SLC17A1: variants seen among roughly 807,000 people sequenced by gnomAD.
SLC17A1 encodes solute carrier family 17 member 1.
SLC17A1 carries 51 observed loss-of-function variants against 53.5 expected under a neutral mutation model. The ratio of observed to expected loss-of-function variants is 0.95; its 90% CI spans 0.76 to 1.20. The LOEUF (loss-of-function observed/expected upper bound fraction) is 1.20, where lower values mean the gene tolerates loss of function less well. Among genes scored for constraint, SLC17A1 ranks in the 50% most tolerant of loss-of-function variants. The pLI, the probability that SLC17A1 is intolerant of heterozygous loss-of-function variation, is 0.00. For synonymous variants in SLC17A1, 179 were observed against 198.8 expected (o/e 0.90, Z 0.84); for missense variants, 538 against 568.2 (o/e 0.95, Z 0.54).
intron 3 of SLC17A1, among the ~76,000 whole-genome samples, chr6:25,820,821 C>T (rs1262089563): frequency 6.7e-6 from 1 of 150,354 alleles, no homozygotes; most frequent in Non-Finnish European, 1.5e-5. Flanking sequence ...ATGGCGTGAA[C>T]CTGGGAGGTG....
chr6:25,770,636 A>T, the SLC17A1 span, among the ~76,000 whole-genome samples: 1 of 152,194 alleles, frequency 6.6e-6, no homozygotes, highest in Admixed American at 6.5e-5. Flanking sequence ...AATAAACTGA[A>T]TGCTTACTAT....
At chr6:25,800,591 G>C in intron 11 of SLC17A1, among the ~76,000 whole-genome samples, 1 of 151,996 alleles carries the variant, frequency 6.6e-6, no homozygotes, top group Non-Finnish European at 1.5e-5. Flanking sequence ...CACTCAGCCA[G>C]TCAAATACCT....
chr6:25,731,791 A>G, the SLC17A1 span: 3 of 1,591,944 alleles, frequency 1.9e-6, no homozygotes, highest in Non-Finnish European at 2.6e-6. Context: ...TTTTACTTGG[A>G]GCTAGTGTAC....
chr6:25,727,357 A>G, the SLC17A1 span: 1 of 1,417,472 alleles, frequency 7.1e-7, no homozygotes, highest in Non-Finnish European at 9.5e-7. Context: ...ACATACTGAA[A>G]CAGCTGTGGG....
At chr6:25,742,464 G>A in the SLC17A1 span, among the ~76,000 whole-genome samples, 1 of 147,550 alleles carries the variant, frequency 6.8e-6, no homozygotes, top group South Asian at 2.1e-4. Context: ...AGACTAGCCT[G>A]GGCAACATAT....
chr6:25,750,096 T>C, the SLC17A1 span, among the ~76,000 whole-genome samples: 1 of 152,192 alleles, frequency 6.6e-6, no homozygotes, highest in Non-Finnish European at 1.5e-5. Flanking sequence ...GGTGTTGCCA[T>C]AGATTAAAAA....
intron 12 of SLC17A1, among the ~76,000 whole-genome samples, chr6:25,783,539 C>G (rs892708445): frequency 6.6e-6 from 1 of 152,060 alleles, no homozygotes; most frequent in Non-Finnish European, 1.5e-5. Flanking sequence ...TGAAACCATC[C>G]ATCAGTTGCT....
chr6:25,823,546 G>A (rs12211184), intron 3 of SLC17A1, among the ~76,000 whole-genome samples: 25,388 of 151,956 alleles, frequency 0.17, 2,748 homozygotes, highest in Non-Finnish European at 0.21. Context: ...TGTAGTTGAT[G>A]TTTGTCTCCA....
intron 6 of SLC17A1, among the ~76,000 whole-genome samples, chr6:25,815,138 G>C (rs1232401450): frequency 7.0e-6 from 1 of 143,838 alleles, no homozygotes; most frequent in African/African-American, 2.6e-5. Flanking sequence ...ATACTGGAAG[G>C]AAGAAAGAAA....
At chr6:25,781,031 C>A (rs77341667), downstream of SLC17A1, 1 of 151,972 alleles carries the variant, frequency 6.6e-6, no homozygotes, top group Non-Finnish European at 1.5e-5. Flanking sequence ...CATTTACAAA[C>A]GTATAAATCA....
the SLC17A1 span, among the ~76,000 whole-genome samples, chr6:25,753,792 T>C: frequency 6.6e-6 from 1 of 151,734 alleles, no homozygotes; most frequent in African/African-American, 2.4e-5. Context: ...CAAGGAGAGA[T>C]GGATGAAGTT....
At chr6:25,764,571 G>A in the SLC17A1 span, among the ~76,000 whole-genome samples, 5 of 152,220 alleles carry the variant, frequency 3.3e-5, no homozygotes, top group African/African-American at 2.4e-5. Context: ...TGAGAGAGGA[G>A]CCAAGAGCTC....
At chr6:25,801,703 TG>T (rs1763766800) in intron 10 of SLC17A1, among the ~76,000 whole-genome samples, 1 of 152,202 alleles carries the variant, frequency 6.6e-6, no homozygotes. Context: ...CAGAGTTTCT[TG>T]TTTCTTTTTT....
intron 1 of SLC17A1, among the ~76,000 whole-genome samples, chr6:25,830,846 CAATCCAG>C (rs2151512335): frequency 6.6e-6 from 1 of 152,266 alleles, no homozygotes; most frequent in South Asian, 2.1e-4. Flanking sequence ...ATAACCCTGC[CAATCCAG>C]AATTCTAAAT....
the SLC17A1 span, among the ~76,000 whole-genome samples, chr6:25,767,353 G>A: frequency 5.3e-5 from 8 of 151,930 alleles, no homozygotes; most frequent in Admixed American, 3.3e-4. Context: ...CCAATAATAC[G>A]AAGGTGGTAG....
chr6:25,736,203 C>G, the SLC17A1 span, among the ~76,000 whole-genome samples: 1 of 152,080 alleles, frequency 6.6e-6, no homozygotes, highest in Non-Finnish European at 1.5e-5. Context: ...TTCTAGTCTA[C>G]GGTTACCCTA....
the SLC17A1 span, among the ~76,000 whole-genome samples, chr6:25,734,775 G>T: frequency 1.3e-5 from 2 of 152,204 alleles, no homozygotes; most frequent in Non-Finnish European, 2.9e-5. Flanking sequence ...GATAATCTTT[G>T]TTTCTTAGTG....
intron 12 of SLC17A1, among the ~76,000 whole-genome samples, chr6:25,785,173 A>G (rs758873015): frequency 1.4e-4 from 21 of 152,182 alleles, no homozygotes; most frequent in Non-Finnish European, 2.4e-4. Context: ...AAATAATAAA[A>G]TACTTATAAA....
chr6:25,773,438 C>A, the SLC17A1 span: 2 of 1,611,494 alleles, frequency 1.2e-6, no homozygotes, highest in African/African-American at 2.7e-5. Context: ...TCCCTCTAGA[C>A]GTCTGAGAGA....
Sources: gnomAD v4.1 joint callset for allele counts (sites outside exome capture counted in the v4.1 genomes callset) on GRCh38, gnomAD v4.1.1 for gene constraint, MANE v1.5 for transcripts, NCBI Gene and HGNC (gene_info 2026-07-23, HGNC 2026-07-21) for gene names.